The following ZHX3 variants were observed in gnomAD, a reference collection of about 807,000 sequenced individuals.
The protein encoded by ZHX3 is zinc fingers and homeoboxes 3, also known as zinc fingers and homeoboxes protein 3.
A neutral mutation model predicts 64.5 loss-of-function variants in ZHX3; 20 were observed. The ratio of observed to expected loss-of-function variants is 0.31; its 90% CI spans 0.22 to 0.45. ZHX3 has a LOEUF of 0.45. Among genes scored for constraint, ZHX3 ranks in the 20% least tolerant of loss-of-function variants. ZHX3 has a pLI of 1.00. For synonymous variants in ZHX3, 423 were observed against 461.6 expected (o/e 0.92, Z 1.07); for missense variants, 1,041 against 1,195.8 (o/e 0.87, Z 1.91).
chr20:41,311,270 T>C (rs1053541673), intron 1 of ZHX3, among the ~76,000 whole-genome samples: 1 of 152,180 alleles, frequency 6.6e-6, no homozygotes, highest in Non-Finnish European at 1.5e-5. Context: ...ATAGCTAACA[T>C]TGATAGTTTT....
chr20:41,315,856 G>GT (rs958723616), intron 1 of ZHX3, among the ~76,000 whole-genome samples: 28 of 151,582 alleles, frequency 1.8e-4, no homozygotes, highest in South Asian at 1.0e-3. Flanking sequence ...GGATTATGGG[G>GT]TTTTTTTTGT....
chr20:41,202,534 C>T lies in ZHX3; in HGVS notation c.2383G>A (p.Asp795Asn), dbSNP rs1223208741. 1.9e-6 allele frequency: 3 copies of T among 1,614,076 alleles called. No homozygotes were observed. Among genetic ancestry groups the T allele is most frequent in the African/African-American group, 1.3e-5 (1 of 74,940 alleles). ...QTQWPSNQDY[D>N]SIMAQTGLPR... Reference sequence around the variant, plus strand: ...AGACCCGTCTGGGCCATGATGGAGTCATAGTCCTGGTTGCTTGGCCACTGT... The same window carrying T: ...AGACCCGTCTGGGCCATGATGGAGTTATAGTCCTGGTTGCTTGGCCACTGT... Residue 795 changes from aspartate to asparagine, a missense_variant, in exon 3 of 4, where the codon GAC (aspartate) becomes AAC (asparagine). This residue lies in a region of ZHX3 where 649 missense variants were observed against 739.8 expected (regional missense o/e 0.88). Coordinates refer to ENST00000683867, the MANE Select transcript of ZHX3 (RefSeq NM_001384317.1). The surrounding 1 kb of genome is among the most constrained non-coding windows in gnomAD (Gnocchi z 7.0).
At chr20:41,288,699 T>G in intron 1 of ZHX3, among the ~76,000 whole-genome samples, 1 of 152,206 alleles carries the variant, frequency 6.6e-6, no homozygotes, top group East Asian at 1.9e-4. Context: ...GTCTTATAAC[T>G]AACAAATTCC....
chr20:41,252,100 T>A (rs2042021422), intron 2 of ZHX3, among the ~76,000 whole-genome samples: 1 of 152,210 alleles, frequency 6.6e-6, no homozygotes, highest in Non-Finnish European at 1.5e-5. Flanking sequence ...CTAGCCACCA[T>A]TAATGTGGAT....
In ZHX3 at chr20:41,204,195, T is replaced by C; in HGVS notation, c.722A>G (p.Gln241Arg). The C allele has an allele frequency of 6.2e-7, 1 of 1,610,842 alleles. No individual in the cohort carries two copies. Among genetic ancestry groups the C allele is most frequent in the Non-Finnish European group, 8.5e-7 (1 of 1,178,318 alleles). Residue 241 changes from glutamine (Q) to arginine (R), a missense_variant, in exon 3 of 4, where the codon CAG becomes CGG. By Grantham distance (43) the Gln-to-Arg change is conservative (BLOSUM62 1). Transcript: ENST00000683867. This position sits in a 1 kb window ranked among gnomAD's most constrained non-coding sequence, Gnocchi z 6.6. ...GTTTTTTGCAGAGCTGGCAGATGCC[T>C]GGCTGACTGGAACTGCCCCATTGAT... ...SFINGAVPVSQASASSAKNPH... is the reference protein window; with the variant it reads ...SFINGAVPVSRASASSAKNPH...
intron 1 of ZHX3, among the ~76,000 whole-genome samples, chr20:41,306,136 T>C (rs1175468387): frequency 2.0e-5 from 3 of 152,172 alleles, no homozygotes; most frequent in Admixed American, 6.5e-5. Flanking sequence ...TTTATTAATA[T>C]ACATTAGAAT....
intron 1 of ZHX3, among the ~76,000 whole-genome samples, chr20:41,283,459 T>G (rs866679986): frequency 1.2e-4 from 19 of 152,086 alleles, no homozygotes; most frequent in African/African-American, 4.6e-4. Flanking sequence ...TCACTGAACA[T>G]TAACATCACT....
chr20:41,242,427 A>G (rs2041441187), intron 2 of ZHX3, among the ~76,000 whole-genome samples: 1 of 152,238 alleles, frequency 6.6e-6, no homozygotes, highest in African/African-American at 2.4e-5. Flanking sequence ...AGGAGTAGAA[A>G]GAGTATATTT....
At chr20:41,272,549 A>G (rs1277362466) in intron 1 of ZHX3, among the ~76,000 whole-genome samples, 2 of 151,606 alleles carry the variant, frequency 1.3e-5, no homozygotes, top group South Asian at 4.2e-4. Flanking sequence ...TCCTCCTCCA[A>G]CTCCTGACAA....
chr20:41,301,084 G>A (rs111953490), intron 1 of ZHX3, among the ~76,000 whole-genome samples: 2,928 of 152,278 alleles, frequency 0.019, 99 homozygotes, highest in African/African-American at 0.066. Context: ...AGGAGGTGAG[G>A]AAGTAGAGAC....
chr20:41,197,878 T>A (rs142706849), intron 3 of ZHX3, among the ~76,000 whole-genome samples: 1,845 of 152,252 alleles, frequency 0.012, 19 homozygotes, highest in Non-Finnish European at 0.019. Flanking sequence ...TTAATATAGA[T>A]TTATAATTTT....
At position 41,219,119 on chromosome 20, in the gene ZHX3, C is replaced by T. The variant is rs746454927; in HGVS notation, c.-150-14053G>A. Among the ~76,000 whole-genome samples the T allele has an allele frequency of 3.3e-5, 5 of 151,794 alleles. No homozygotes were observed. The highest frequency in any genetic ancestry group is 6.6e-5 in the Admixed American group (1 of 15,246). ...TAATTTTTTGTATTTTTATTAGAGA[C>T]GGGTTTTCACCGTGTTAGCGAGCAT... On this transcript the variant is annotated intron_variant, in intron 2 of 3. Transcript: ENST00000683867. The surrounding 1 kb of genome is among the most constrained non-coding windows in gnomAD (Gnocchi z 5.0).
intron 2 of ZHX3, among the ~76,000 whole-genome samples, chr20:41,252,245 G>C (rs1289677333): frequency 1.3e-5 from 2 of 152,158 alleles, no homozygotes; most frequent in Admixed American, 1.3e-4. Flanking sequence ...GGAGGGGCTG[G>C]GAGTGGGAAA....
At chr20:41,225,919 A>C (rs1285381179) in intron 2 of ZHX3, among the ~76,000 whole-genome samples, 3 of 151,950 alleles carry the variant, frequency 2.0e-5, no homozygotes, top group Non-Finnish European at 4.4e-5. Flanking sequence ...TATTCCCCTT[A>C]CTCTCTTCCC....
chr20:41,285,706 C>T (rs2043903881), intron 1 of ZHX3, among the ~76,000 whole-genome samples: 3 of 152,196 alleles, frequency 2.0e-5, no homozygotes, highest in African/African-American at 7.2e-5. Flanking sequence ...AGGGTCAAAA[C>T]TTCCCAGGTT....
intron 1 of ZHX3, among the ~76,000 whole-genome samples, chr20:41,305,097 A>G (rs1255279340): frequency 1.3e-5 from 2 of 152,252 alleles, no homozygotes; most frequent in Admixed American, 1.3e-4. Context: ...ATGGCAAAGA[A>G]AAGGTCACAT....
At chr20:41,239,992 T>C (rs1009377579) in intron 2 of ZHX3, among the ~76,000 whole-genome samples, 2 of 151,624 alleles carry the variant, frequency 1.3e-5, no homozygotes, top group Admixed American at 1.3e-4. Context: ...TCACACTCAA[T>C]AGGCCATTCC....
Position 41,204,042 on chromosome 20 carries a change from G to A in ZHX3, c.875C>T (p.Thr292Met), listed in dbSNP as rs1456875281. The A allele has an allele frequency of 5.0e-6, 8 of 1,613,706 alleles. No individual in the cohort carries two copies. Among genetic ancestry groups the A allele is most frequent in the East Asian group, 2.2e-5 (1 of 44,898 alleles). ...AQHHVHQPLP[T>M]AKALPKVMIP... ...CATCACTTTGGGAAGGGCCTTGGCCGTGGGCAGTGGCTGGTGGACATGGTG... is the reference window on the plus strand; with the variant it reads ...CATCACTTTGGGAAGGGCCTTGGCCATGGGCAGTGGCTGGTGGACATGGTG... Residue 292 changes from threonine (T) to methionine (M), a missense_variant, in exon 3 of 4, where the codon ACG (threonine) becomes ATG (methionine). Around this residue, in one of 4 missense-constraint regions of ZHX3, gnomAD observed 358 missense variants for 369.1 expected, o/e 0.97. Coordinates refer to ENST00000683867, the MANE Select transcript of ZHX3 (RefSeq NM_001384317.1). This position sits in a 1 kb window ranked among gnomAD's most constrained non-coding sequence, Gnocchi z 6.6.
intron 1 of ZHX3, among the ~76,000 whole-genome samples, chr20:41,301,870 C>T (rs1009459776): frequency 5.3e-5 from 8 of 151,336 alleles, no homozygotes; most frequent in Non-Finnish European, 7.4e-5. Context: ...CCGGCTAAAA[C>T]GGTGAAACCC....
Sources: allele counts gnomAD v4.1 joint callset (sites outside exome capture counted in the v4.1 genomes callset), GRCh38; gene constraint gnomAD v4.1.1; regional missense constraint gnomAD v4.1.1; non-coding constraint Gnocchi (gnomAD v3.1); transcripts MANE v1.5; gene names NCBI Gene and HGNC (gene_info 2026-07-23, HGNC 2026-07-21).